The following CES1 variants were observed in gnomAD, a reference collection of about 807,000 sequenced individuals.
CES1 encodes the protein carboxylesterase 1, also known as liver carboxylesterase 1.
A neutral mutation model predicts 53.0 loss-of-function variants in CES1; 50 were observed. The observed-to-expected ratio is 0.94, with a 90% CI of 0.75 to 1.19. The LOEUF is 1.19. Ranked by LOEUF, CES1 falls within the 50% of genes most tolerant of loss-of-function variation. The pLI is 0.00. For synonymous variants in CES1, 202 were observed against 210.1 expected (o/e 0.96, Z 0.33); for missense variants, 534 against 538.0 (o/e 0.99, Z 0.07).
chr16:55,826,573 A>G (rs1203933062), intron 2 of CES1, among the ~76,000 whole-genome samples: 1 of 152,164 alleles, frequency 6.6e-6, no homozygotes, highest in African/African-American at 2.4e-5. Flanking sequence ...GACCACTAAT[A>G]CACTGATCCT....
Position 55,826,226 on chromosome 16 carries a change from A to G in CES1, c.330T>C (p.Pro110=). 1 of 1,613,994 alleles carries G rather than the reference A, an allele frequency of 6.2e-7. No individual in the cohort carries two copies. ...ELFTNRKENI[P]LKLSEDCLYL... The stretch of plus-strand genomic sequence containing the variant: ...AAAGACAGTCTTCAGAAAGCTTGAG[A>G]GGAATGTTCTCCTTTCGGTTTGTAA... Residue 110 remains proline, a synonymous_variant, in exon 3 of 14, where the codon CCT becomes CCC. Coordinates refer to ENST00000360526, the MANE Select transcript of CES1 (RefSeq NM_001025195.2).
At chr16:55,831,976 G>A (rs1280774349) in intron 1 of CES1, among the ~76,000 whole-genome samples, 1 of 142,622 alleles carries the variant, frequency 7.0e-6, no homozygotes, top group Non-Finnish European at 1.5e-5. Flanking sequence ...GGCATCTGAG[G>A]CCTTGTTGAC....
intron 1 of CES1, among the ~76,000 whole-genome samples, chr16:55,830,341 G>A (rs1306367975): frequency 6.6e-6 from 1 of 152,098 alleles, no homozygotes; most frequent in Non-Finnish European, 1.5e-5. Flanking sequence ...ACATAGCAAT[G>A]GGTGGTGGCA....
chr16:55,821,749 A>G (rs1194331316), intron 4 of CES1, among the ~76,000 whole-genome samples: 14 of 152,224 alleles, frequency 9.2e-5, no homozygotes, highest in African/African-American at 3.4e-4. Flanking sequence ...ACGCTGTCTT[A>G]TGAGCTAGAG....
intron 7 of CES1, among the ~76,000 whole-genome samples, chr16:55,818,374 C>A (rs2032040211): frequency 6.6e-6 from 1 of 152,242 alleles, no homozygotes; most frequent in African/African-American, 2.4e-5. Context: ...CTGGGTCCTA[C>A]AGTGTTGCCT....
intron 1 of CES1, among the ~76,000 whole-genome samples, chr16:55,832,697 A>T (rs531824097): frequency 4.6e-5 from 7 of 152,328 alleles, no homozygotes; most frequent in African/African-American, 1.7e-4. Context: ...CCGTAAGGGG[A>T]CTAATTAAGG....
intron 4 of CES1, among the ~76,000 whole-genome samples, chr16:55,822,920 A>C (rs1338933847): frequency 6.6e-6 from 1 of 151,838 alleles, no homozygotes; most frequent in Non-Finnish European, 1.5e-5. Context: ...GAACCTTAGA[A>C]AAGGTTCATA....
At chr16:55,832,767 G>A (rs2142364653) in intron 1 of CES1, among the ~76,000 whole-genome samples, 1 of 152,322 alleles carries the variant, frequency 6.6e-6, no homozygotes, top group East Asian at 1.9e-4. Flanking sequence ...GCCGGCTGTC[G>A]GCCTGCATTT....
chr16:55,813,190 G>C (rs1330789283), intron 8 of CES1, 147 bp from the exon 9 acceptor site: 14 of 1,114,492 alleles, frequency 1.3e-5, no homozygotes, highest in Non-Finnish European at 1.7e-5. Flanking sequence ...AACTTAGGGG[G>C]GTAGGTCTCC....
chr16:55,815,110 G>A (rs2031881888), intron 8 of CES1, among the ~76,000 whole-genome samples: 1 of 152,234 alleles, frequency 6.6e-6, no homozygotes, highest in Admixed American at 6.5e-5. Flanking sequence ...ATGAGCAAAA[G>A]GACATAGGTG....
intron 8 of CES1, among the ~76,000 whole-genome samples, chr16:55,814,416 T>C (rs1410453177): frequency 1.3e-5 from 2 of 152,234 alleles, no homozygotes; most frequent in African/African-American, 2.4e-5. Context: ...AGATAGAGCA[T>C]GGACTTTGAA....
At chr16:55,832,952 C>T (rs1236286901) in intron 1 of CES1, 52 bp downstream of exon 1, 1 of 1,437,272 alleles carries the variant, frequency 7.0e-7, no homozygotes, top group African/African-American at 1.4e-5. Context: ...CACCTCGGCC[C>T]AGAACAAGGA....
intron 9 of CES1, among the ~76,000 whole-genome samples, chr16:55,811,235 T>C (rs2031685526): frequency 6.7e-6 from 1 of 150,356 alleles, no homozygotes. Flanking sequence ...AAAAACAAAA[T>C]TTCAGAGAAG....
Position 55,813,716 on chromosome 16 carries a change from C to A in CES1, c.946-673G>T, listed in dbSNP as rs557444383. ...ATCCAAGCTTGTCTCACACAGGCACCTTCCCCGTAAGGCACAGCACAGCCT... is the reference window on the plus strand; with the variant it reads ...ATCCAAGCTTGTCTCACACAGGCACATTCCCCGTAAGGCACAGCACAGCCT... On this transcript the variant is annotated intron_variant, in intron 8 of 13. Transcript: ENST00000360526. Among the ~76,000 whole-genome samples, 4 of 152,278 alleles carry A rather than the reference C, an allele frequency of 2.6e-5. No individual in the cohort carries two copies. In the South Asian group the frequency reaches 6.2e-4, roughly 24 times the overall value.
intron 5 of CES1, 90 bp downstream of exon 5, chr16:55,821,278 A>C: frequency 1.1e-5 from 17 of 1,492,336 alleles, no homozygotes; most frequent in Non-Finnish European, 1.6e-5. Context: ...TTGTAATCAG[A>C]GGTATCCATA....
intron 11 of CES1, among the ~76,000 whole-genome samples, chr16:55,809,109 A>AAAAAAAAAAAAAAAAC (rs2031567873): frequency 6.6e-6 from 1 of 150,660 alleles, no homozygotes; most frequent in African/African-American, 2.4e-5. Flanking sequence ...AAAAAAAAAA[A>AAAAAAAAAAAAAAAAC]AAGCCCTGAA....
intron 6 of CES1, 67 bp from the exon 7 acceptor site, chr16:55,819,706 T>C: frequency 7.4e-7 from 1 of 1,346,656 alleles, no homozygotes; most frequent in Non-Finnish European, 1.1e-6. Flanking sequence ...AAGAGGAAAG[T>C]GGCATTCTAT....
intron 1 of CES1, among the ~76,000 whole-genome samples, chr16:55,832,731 T>C (rs2032731940): frequency 6.6e-6 from 1 of 152,214 alleles, no homozygotes. Flanking sequence ...GCTGCCTAAA[T>C]TTCTCGTGTG....
At chr16:55,813,613 TCTC>T (rs1224280054) in intron 8 of CES1, among the ~76,000 whole-genome samples, 1 of 152,160 alleles carries the variant, frequency 6.6e-6, no homozygotes, top group Non-Finnish European at 1.5e-5. Flanking sequence ...CCAATTTCCT[TCTC>T]CTTTTTCTGA....
Sources: allele counts gnomAD v4.1 joint callset (sites outside exome capture counted in the v4.1 genomes callset), GRCh38; gene constraint gnomAD v4.1.1; transcripts MANE v1.5; gene names NCBI Gene and HGNC (gene_info 2026-07-23, HGNC 2026-07-21).